The following MAMLD1 variants were observed in gnomAD, a reference collection of about 807,000 sequenced individuals.
MAMLD1 encodes mastermind like domain containing 1.
Under a neutral mutation model 45.0 loss-of-function variants are expected in MAMLD1, and 14 were observed. That is an observed-to-expected ratio of 0.31 (90% confidence interval 0.21 to 0.49). The LOEUF is 0.49. MAMLD1 is among the 20% of genes least tolerant of loss of function. The probability of loss-of-function intolerance (pLI) is 0.99; values close to 1 mark genes in which losing one functional copy is unlikely to be tolerated. For synonymous variants in MAMLD1, 254 were observed against 247.8 expected, an observed-to-expected ratio of 1.02 and a Z score of -0.24; for missense variants, 543 against 603.6, an observed-to-expected ratio of 0.90 and a Z score of 1.05.
intron 3 of MAMLD1, among the ~76,000 whole-genome samples, chrX:150,464,557 G>A (rs963535337): frequency 8.9e-6 from 1 of 112,089 alleles, no homozygotes; most frequent in Non-Finnish European, 1.9e-5. Flanking sequence ...CTATACACAC[G>A]GATATTCCTT....
In MAMLD1 at chrX:150,429,097, C is replaced by G. The variant is rs781793121; in HGVS notation, c.-63-16357C>G. Among the ~76,000 whole-genome samples, 5 of 110,952 alleles carry G rather than the reference C, an allele frequency of 4.5e-5. No homozygotes were observed. In the East Asian group the frequency reaches 1.4e-3, roughly 31 times the overall value. ...CTCCAGAGAAGCTGGAGATGCTGGGCCTATCTGGATGAGGGAGTTAGTGAT... is the reference window on the plus strand; with the variant it reads ...CTCCAGAGAAGCTGGAGATGCTGGGGCTATCTGGATGAGGGAGTTAGTGAT... On this transcript the variant is annotated intron_variant, in intron 1 of 7. Coordinates refer to ENST00000370401, the MANE Select transcript of MAMLD1 (RefSeq NM_005491.5).
chrX:150,494,814 G>T (rs1038372529), intron 5 of MAMLD1, among the ~76,000 whole-genome samples: 27 of 111,676 alleles, frequency 2.4e-4, no homozygotes, highest in African/African-American at 8.8e-4. Flanking sequence ...CGCCAGGGAG[G>T]TGGAGGTTTC....
At chrX:150,497,150 A>G (rs782612501) in intron 5 of MAMLD1, among the ~76,000 whole-genome samples, 4 of 112,291 alleles carry the variant, frequency 3.6e-5, no homozygotes, top group African/African-American at 1.3e-4. Flanking sequence ...GGTCTTGCTT[A>G]GGGGATACCC....
chrX:150,364,571 T>C (rs1299326229), intron 1 of MAMLD1, among the ~76,000 whole-genome samples: 3 of 111,393 alleles, frequency 2.7e-5, no homozygotes, highest in Non-Finnish European at 5.7e-5. Flanking sequence ...CTGGGGGACG[T>C]GGGGAGAAGG....
upstream of MAMLD1, among the ~76,000 whole-genome samples, chrX:150,362,010 G>A (rs2031019703): frequency 8.9e-6 from 1 of 112,602 alleles, no homozygotes; most frequent in South Asian, 3.7e-4. Flanking sequence ...GGGCGACGCC[G>A]ACAGCGTCCG....
intron 1 of MAMLD1, among the ~76,000 whole-genome samples, chrX:150,397,718 A>C (rs1269785704): frequency 9.0e-6 from 1 of 111,004 alleles, no homozygotes; most frequent in Admixed American, 9.5e-5. Flanking sequence ...CACTCACCAG[A>C]CACTGAATTT....
intron 1 of MAMLD1, among the ~76,000 whole-genome samples, chrX:150,437,310 G>A (rs369466217): frequency 1.8e-5 from 2 of 111,884 alleles, no homozygotes; most frequent in African/African-American, 3.3e-5. Context: ...CAGTGTCAGC[G>A]ATGGCAATGT....
intron 1 of MAMLD1, among the ~76,000 whole-genome samples, chrX:150,393,058 T>C (rs962990568): frequency 1.7e-4 from 19 of 111,834 alleles, no homozygotes; most frequent in African/African-American, 5.2e-4. Context: ...ATCATTACAA[T>C]ACACAGATCA....
chrX:150,403,940 A>AAAAGAAAGAAAG (rs1167882848), intron 1 of MAMLD1, among the ~76,000 whole-genome samples: 4,597 of 58,781 alleles, frequency 0.078, 230 homozygotes, highest in Non-Finnish European at 0.092. Flanking sequence ...AGAAAGAAAG[A>AAAAGAAAGAAAG]AAAGAAAGAA....
intron 1 of MAMLD1, among the ~76,000 whole-genome samples, chrX:150,366,105 C>T (rs1301896111): frequency 5.4e-5 from 6 of 111,898 alleles, no homozygotes; most frequent in African/African-American, 2.0e-4. Context: ...GGAAAGTGGG[C>T]GGGGCCCAGG....
chrX:150,461,529 G>A (rs2036038665), intron 2 of MAMLD1, among the ~76,000 whole-genome samples: 2 of 111,843 alleles, frequency 1.8e-5, no homozygotes, highest in African/African-American at 6.5e-5. Context: ...GAGCATTCTA[G>A]AAAAGGGGTG....
chrX:150,512,424 C>G lies in MAMLD1; in HGVS notation c.*465C>G. On this transcript the variant is annotated 3_prime_UTR_variant, in exon 8 of 8. Transcript: ENST00000370401. The stretch of plus-strand genomic sequence containing the variant: ...GCGTTCAACAATGCTGCATGGGTCA[C>G]AGCGGCAGCAGCTGTGACCACAGCA... 8.7e-7 allele frequency: 1 copy of G among 1,154,874 alleles called. No homozygotes were observed. Among genetic ancestry groups the G allele is most frequent in the Non-Finnish European group, 1.1e-6 (1 of 872,043 alleles).
intron 2 of MAMLD1, among the ~76,000 whole-genome samples, chrX:150,452,607 C>A (rs200601505): frequency 1.0e-5 from 1 of 98,070 alleles, no homozygotes; most frequent in Non-Finnish European, 2.0e-5. Flanking sequence ...TTTTTTTTTT[C>A]TTTTATTATT....
In MAMLD1 at chrX:150,509,843, G is replaced by A. The variant is rs1301153380; in HGVS notation, c.2285-119G>A. ...GGCATGCATGCGAGTGTATGCTGGT[G>A]TGTTTATTCATGCTTTCTGCTGCAC... is the stretch of plus-strand genomic sequence containing the variant. On this transcript the variant is annotated intron_variant, in intron 6 of 7. Transcript: ENST00000370401. The A allele has an allele frequency of 1.0e-5, 6 of 573,486 alleles. No individual in the cohort carries two copies. In the Admixed American group the frequency reaches 1.4e-4, roughly 13 times the overall value. 47.3% of individuals were successfully genotyped at this position (573,486 alleles called of 1,213,427 possible).
intron 1 of MAMLD1, among the ~76,000 whole-genome samples, chrX:150,397,664 G>A (rs192633078): frequency 1.8e-5 from 2 of 111,263 alleles, no homozygotes; most frequent in African/African-American, 3.3e-5. Context: ...TGTGTGCAAA[G>A]GTCAACTTGT....
At chrX:150,381,273 A>G (rs2032594869) in intron 1 of MAMLD1, among the ~76,000 whole-genome samples, 1 of 112,230 alleles carries the variant, frequency 8.9e-6, no homozygotes, top group Non-Finnish European at 1.9e-5. Context: ...AGGAAACAAT[A>G]CTAGAAAGAT....
intron 1 of MAMLD1, among the ~76,000 whole-genome samples, chrX:150,394,793 T>A (rs2033350758): frequency 8.9e-6 from 1 of 112,030 alleles, no homozygotes; most frequent in Admixed American, 9.5e-5. Context: ...GTAACCTTGC[T>A]ATAATGACTT....
At chrX:150,398,331 A>AAGAGGAAGAG (rs1569564617) in intron 1 of MAMLD1, among the ~76,000 whole-genome samples, 4 of 67,028 alleles carry the variant, frequency 6.0e-5, no homozygotes, top group African/African-American at 2.3e-4. Context: ...AAGAAGAAGA[A>AAGAGGAAGAG]GAAGAAGAAG....
At chrX:150,400,457 C>A (rs782432048) in intron 1 of MAMLD1, among the ~76,000 whole-genome samples, 22 of 111,800 alleles carry the variant, frequency 2.0e-4, no homozygotes, top group African/African-American at 6.2e-4. Context: ...ATTTCCTTCT[C>A]CTGCCTCATT....
Sources: allele counts gnomAD v4.1 joint callset (sites outside exome capture counted in the v4.1 genomes callset), GRCh38; gene constraint gnomAD v4.1.1; transcripts MANE v1.5; gene names NCBI Gene and HGNC (gene_info 2026-07-23, HGNC 2026-07-21).